UTRN: variants seen among roughly 807,000 people sequenced by gnomAD.
UTRN encodes dystrophin-related protein 1.
Under a neutral mutation model 463.9 loss-of-function variants are expected in UTRN, and 283 were observed. The ratio of observed to expected loss-of-function variants is 0.61; its 90% CI spans 0.55 to 0.67. The LOEUF is 0.67. UTRN is among the 30% of genes least tolerant of loss of function. The pLI is 0.00. For synonymous variants in UTRN, 1,442 were observed against 1,431.5 expected (o/e 1.01, Z -0.17); for missense variants, 3,922 against 4,084.3 (o/e 0.96, Z 1.08).
chr6:144,652,879 ACTT>A (rs1778960561), intron 51 of UTRN, among the ~76,000 whole-genome samples: 1 of 152,150 alleles, frequency 6.6e-6, no homozygotes, highest in Non-Finnish European at 1.5e-5. Flanking sequence ...GCACCTCAAA[ACTT>A]CTGAAACTTT....
intron 2 of UTRN, among the ~76,000 whole-genome samples, chr6:144,350,433 T>C (rs149820731): frequency 3.2e-4 from 48 of 152,284 alleles, no homozygotes; most frequent in Non-Finnish European, 3.8e-4. Flanking sequence ...TGAACCAAAA[T>C]TGAAACCATC....
intron 19 of UTRN, among the ~76,000 whole-genome samples, chr6:144,457,729 A>G (rs2128559897): frequency 6.6e-6 from 1 of 152,334 alleles, no homozygotes; most frequent in South Asian, 2.1e-4. Flanking sequence ...GACACAGTGT[A>G]TTATAAAAAT....
At chr6:144,388,571 C>T (rs947870903) in intron 2 of UTRN, among the ~76,000 whole-genome samples, 3 of 151,956 alleles carry the variant, frequency 2.0e-5, no homozygotes, top group South Asian at 2.1e-4. Context: ...GATCACGGCT[C>T]ACTGCAGCCT....
chr6:144,548,870 A>G lies in UTRN; in HGVS notation c.6810+16A>G. 6.2e-7 allele frequency: 1 copy of G among 1,612,074 alleles called. No individual in the cohort carries two copies. Among genetic ancestry groups the G allele is most frequent in the African/African-American group, 1.3e-5 (1 of 74,978 alleles). On this transcript the variant is annotated intron_variant, in intron 47 of 74. Coordinates refer to ENST00000367545, the MANE Select transcript of UTRN (RefSeq NM_007124.3). ...CCGAATGAAAGTAGGTGCATAGTGT[A>G]AAAGCTTGTCATGGAAACGCCACAA...
At chr6:144,541,285 C>T (rs1008001343) in intron 45 of UTRN, among the ~76,000 whole-genome samples, 5 of 152,186 alleles carry the variant, frequency 3.3e-5, no homozygotes, top group Non-Finnish European at 4.4e-5. Context: ...CCCCTACACT[C>T]CTTTCCAGAC....
At chr6:144,762,319 G>A (rs1211815436) in intron 58 of UTRN, among the ~76,000 whole-genome samples, 1 of 152,144 alleles carries the variant, frequency 6.6e-6, no homozygotes, top group Non-Finnish European at 1.5e-5. Flanking sequence ...GAAGTTTTTA[G>A]TCCCATGGAA....
At chr6:144,296,230 T>C (rs1804681362) in intron 2 of UTRN, among the ~76,000 whole-genome samples, 1 of 152,116 alleles carries the variant, frequency 6.6e-6, no homozygotes, top group South Asian at 2.1e-4. Context: ...CACTACCGCC[T>C]GAGCTCTGCC....
chr6:144,732,712 T>TGTTAC (rs1788870156), intron 54 of UTRN, among the ~76,000 whole-genome samples: 1 of 150,816 alleles, frequency 6.6e-6, no homozygotes, highest in South Asian at 2.1e-4. Context: ...TGTTATGTTA[T>TGTTAC]GTTATGTTAT....
In UTRN at chr6:144,829,002, T is replaced by A; in HGVS notation, c.9665+147T>A. 5 of 833,680 alleles carry A rather than the reference T, an allele frequency of 6.0e-6. No homozygotes were observed. The South Asian group carries it at 6.5e-5, about 11-fold the overall frequency. 51.6% of individuals were successfully genotyped at this position (833,680 alleles called of 1,614,324 possible). ...TCCAAAAATTTCTACGTAGATTTTA[T>A]GCTTTCAAACCATGATAGTATAAAC... On this transcript the variant is annotated intron_variant, in intron 69 of 74. Coordinates refer to ENST00000367545, the MANE Select transcript of UTRN (RefSeq NM_007124.3).
intron 52 of UTRN, among the ~76,000 whole-genome samples, chr6:144,680,993 A>G (rs903248996): frequency 8.5e-5 from 13 of 152,194 alleles, no homozygotes; most frequent in Non-Finnish European, 1.5e-4. Context: ...GAGCCTTTTG[A>G]GTAACATGAT....
At position 144,453,851 on chromosome 6, in the gene UTRN, G is replaced by A. The variant is rs755018162; in HGVS notation, c.2266G>A (p.Val756Met). ...ATTAAACCAAACTGGACAAATCCTT[G>A]TGGAGCAAATGGGAAAAGGTAAGAT... is the stretch of plus-strand genomic sequence containing the variant. ...DELNQTGQIL[V>M]EQMGKEGLPT... Residue 756 changes from valine (V) to methionine (M), a missense_variant, in exon 19 of 75, where the codon GTG becomes ATG. Coordinates refer to ENST00000367545, the MANE Select transcript of UTRN (RefSeq NM_007124.3). 3.1e-6 allele frequency: 5 copies of A among 1,613,306 alleles called. No individual in the cohort carries two copies. Among genetic ancestry groups the A allele is most frequent in the Admixed American group, 1.7e-5 (1 of 59,962 alleles).
intron 3 of UTRN, among the ~76,000 whole-genome samples, chr6:144,411,970 G>A (rs1197766709): frequency 6.6e-6 from 1 of 152,064 alleles, no homozygotes; most frequent in Non-Finnish European, 1.5e-5. Flanking sequence ...GTCGAGGTGT[G>A]GAAGGAACTC....
At chr6:144,768,729 T>C (rs547445629) in intron 58 of UTRN, among the ~76,000 whole-genome samples, 1 of 152,328 alleles carries the variant, frequency 6.6e-6, no homozygotes, top group Non-Finnish European at 1.5e-5. Context: ...TTTGCATTAC[T>C]ATCTGTTTTC....
chr6:144,395,329 C>G (rs1186341911), intron 2 of UTRN, among the ~76,000 whole-genome samples: 1 of 151,284 alleles, frequency 6.6e-6, no homozygotes, highest in African/African-American at 2.4e-5. Flanking sequence ...TTTACAATCT[C>G]TACCACCATA....
At chr6:144,432,266 A>G (rs921797379) in intron 9 of UTRN, among the ~76,000 whole-genome samples, 1 of 152,126 alleles carries the variant, frequency 6.6e-6, no homozygotes, top group African/African-American at 2.4e-5. Flanking sequence ...ACCCACCATT[A>G]TATGGCAGCC....
At chr6:144,733,340 A>G (rs1388763570) in intron 54 of UTRN, among the ~76,000 whole-genome samples, 2 of 152,028 alleles carry the variant, frequency 1.3e-5, no homozygotes, top group Non-Finnish European at 2.9e-5. Flanking sequence ...AACACGGTGA[A>G]ACCCCGTCTC....
Position 144,440,414 on chromosome 6 carries a change from C to T in UTRN, c.1455C>T (p.Val485=), listed in dbSNP as rs1474941260. Residue 485 remains valine (V), a synonymous_variant, in exon 13 of 75, where the codon GTC becomes GTT. Coordinates refer to ENST00000367545, the MANE Select transcript of UTRN (RefSeq NM_007124.3). ...TAAATTCACTAACTCACATGGTGGT[C>T]ATTGTTGATGAAAACAGTGGTGAGA... ...VKVNSLTHMV[V]IVDENSGESA... is the part of the protein sequence containing the mutation. The T allele has an allele frequency of 2.5e-6, 4 of 1,613,982 alleles. No individual in the cohort carries two copies. The highest frequency in any genetic ancestry group is 3.4e-6 in the Non-Finnish European group (4 of 1,180,004).
chr6:144,752,850 G>T (rs192766503), intron 56 of UTRN, among the ~76,000 whole-genome samples: 2 of 152,080 alleles, frequency 1.3e-5, no homozygotes, highest in African/African-American at 4.8e-5. Flanking sequence ...AAGATTAGAA[G>T]TCGGGGAATA....
chr6:144,714,600 C>T (rs1163233995), intron 53 of UTRN, among the ~76,000 whole-genome samples: 1 of 152,212 alleles, frequency 6.6e-6, no homozygotes, highest in Non-Finnish European at 1.5e-5. Flanking sequence ...GGCCCTGTTA[C>T]ACTGAGGTCT....
Sources: allele counts gnomAD v4.1 joint callset (sites outside exome capture counted in the v4.1 genomes callset), GRCh38; gene constraint gnomAD v4.1.1; transcripts MANE v1.5; gene names NCBI Gene and HGNC (gene_info 2026-07-23, HGNC 2026-07-21).